Variants in DCC observed in about 807,000 individuals in gnomAD.
The protein encoded by DCC is netrin receptor DCC.
In DCC, 58 loss-of-function variants were observed where a neutral mutation model predicts 172.5. That is an observed-to-expected ratio of 0.34 (90% CI 0.27 to 0.42). DCC has a LOEUF of 0.42. Among genes scored for constraint, DCC ranks in the 10% least tolerant of loss-of-function variants. The pLI is 1.00. For missense variants in DCC, 1,740 were observed against 1,791.0 expected, an observed-to-expected ratio of 0.97 and a Z score of 0.51; for synonymous variants, 709 against 644.5, an observed-to-expected ratio of 1.10 and a Z score of -1.52.
chr18:52,340,582 A>AT lies in DCC; in HGVS notation c.-204dup. 1 of 639,464 alleles carries AT rather than the reference A, an allele frequency of 1.6e-6. No homozygotes were observed. 39.6% of individuals were successfully genotyped at this position (639,464 alleles called of 1,614,324 possible). A position where few individuals can be genotyped will look rare whatever the true frequency, so the allele number is the denominator to read the frequency against. ...TTTTTGCTGCCTGCTTTTGCTGCTG[A>AT]TTCTGTCAGTGGACAAGGAAAAAGG... On this transcript the variant is annotated 5_prime_UTR_variant, in exon 1 of 29. Transcript: ENST00000442544.
At chr18:52,943,022 C>A (rs1247645584) in intron 5 of DCC, among the ~76,000 whole-genome samples, 1 of 152,162 alleles carries the variant, frequency 6.6e-6, no homozygotes, top group Non-Finnish European at 1.5e-5. Flanking sequence ...ACAGAGTATG[C>A]ATTCAAATTA....
At chr18:52,378,416 C>A (rs1985444910) in intron 1 of DCC, among the ~76,000 whole-genome samples, 1 of 152,098 alleles carries the variant, frequency 6.6e-6, no homozygotes, top group African/African-American at 2.4e-5. Flanking sequence ...TGTTTAGCAC[C>A]TTCTCTACAT....
chr18:53,022,838 G>GA (rs1292129342), intron 5 of DCC, among the ~76,000 whole-genome samples: 4 of 151,148 alleles, frequency 2.6e-5, no homozygotes, highest in Non-Finnish European at 4.4e-5. Flanking sequence ...TCCTGAAAAT[G>GA]AAAAAAAATC....
intron 1 of DCC, among the ~76,000 whole-genome samples, chr18:52,728,856 T>C (rs2036592815): frequency 6.6e-6 from 1 of 152,148 alleles, no homozygotes; most frequent in African/African-American, 2.4e-5. Context: ...AAACAAGGAT[T>C]CGACAGCTGT....
At chr18:52,391,070 T>G (rs192509629) in intron 1 of DCC, among the ~76,000 whole-genome samples, 1 of 152,226 alleles carries the variant, frequency 6.6e-6, no homozygotes, top group Non-Finnish European at 1.5e-5. Flanking sequence ...GCTTCTACAT[T>G]CATGTATGCT....
intron 22 of DCC, among the ~76,000 whole-genome samples, chr18:53,446,262 A>G (rs555684275): frequency 6.6e-6 from 1 of 152,224 alleles, no homozygotes; most frequent in East Asian, 1.9e-4. Context: ...CTCCAGCAGT[A>G]GTCACAGAGT....
At chr18:53,498,092 T>C (rs142451183) in intron 26 of DCC, among the ~76,000 whole-genome samples, 1 of 152,332 alleles carries the variant, frequency 6.6e-6, no homozygotes, top group Non-Finnish European at 1.5e-5. Context: ...CTTCTGAATA[T>C]AGAAGAATGA....
chr18:53,125,446 T>G (rs1004546039), intron 7 of DCC, among the ~76,000 whole-genome samples: 1 of 152,080 alleles, frequency 6.6e-6, no homozygotes, highest in African/African-American at 2.4e-5. Flanking sequence ...TCTTGCATGG[T>G]GCTCTCTCAC....
chr18:53,518,829 A>G lies in DCC; in HGVS notation c.4112-7788A>G, dbSNP rs184378482. Among the ~76,000 whole-genome samples the G allele has an allele frequency of 1.2e-4, 18 of 152,268 alleles. No individual in the cohort carries two copies. The South Asian group carries it at 2.7e-3, about 23-fold the overall frequency. ...TCAGATTGAGCATTCGTAAATTTAA[A>G]TTTGTCAATTAGCCATGGATCATTT... is the stretch of plus-strand genomic sequence containing the variant. On this transcript the variant is annotated intron_variant, in intron 27 of 28. Transcript: ENST00000442544.
intron 5 of DCC, among the ~76,000 whole-genome samples, chr18:52,976,075 ATTG>A (rs2041112504): frequency 2.6e-5 from 4 of 151,966 alleles, no homozygotes; most frequent in Admixed American, 2.0e-4. Context: ...ATGGTATATC[ATTG>A]TTGTTTTGAT....
intron 7 of DCC, among the ~76,000 whole-genome samples, chr18:53,146,146 G>A (rs140471620): frequency 1.3e-5 from 2 of 152,060 alleles, no homozygotes; most frequent in East Asian, 3.9e-4. Flanking sequence ...TCTTGAACCT[G>A]GGAGGCAGAG....
chr18:53,523,336 C>G (rs1245115851), intron 27 of DCC, among the ~76,000 whole-genome samples: 1 of 152,124 alleles, frequency 6.6e-6, no homozygotes, highest in African/African-American at 2.4e-5. Context: ...TTAGTTCAGC[C>G]ATTGTGGAAG....
At chr18:53,145,697 T>C (rs759146597) in intron 7 of DCC, among the ~76,000 whole-genome samples, 1 of 152,114 alleles carries the variant, frequency 6.6e-6, no homozygotes, top group African/African-American at 2.4e-5. Context: ...GAATCTGTCA[T>C]TGAGTTCCAA....
rs5825007 is a variant in DCC at position 53,309,962 on chromosome 18, G to GTATATATATATATATATA, written c.2053+4244_2053+4245insATATATATATATATATAT. 7.7e-4 allele frequency among the ~76,000 whole-genome samples: 103 copies of GTATATATATATATATATA among 133,276 alleles called. 3 individuals carry two copies. The highest frequency in any genetic ancestry group is 7.5e-3 in the East Asian group (33 of 4,392). 87.4% of individuals were successfully genotyped at this position (133,276 alleles called of 152,430 possible). ...TATATATACATGTATATATACGTGT[G>GTATATATATATATATATA]TGTATATATATATATATATACTCTT... On this transcript the variant is annotated intron_variant, in intron 13 of 28. Coordinates refer to ENST00000442544, the MANE Select transcript of DCC (RefSeq NM_005215.4).
At chr18:53,003,996 C>A (rs1471998027) in intron 5 of DCC, among the ~76,000 whole-genome samples, 2 of 152,156 alleles carry the variant, frequency 1.3e-5, no homozygotes, top group Non-Finnish European at 2.9e-5. Context: ...TTTCACTCAG[C>A]TATTCACCAC....
intron 1 of DCC, among the ~76,000 whole-genome samples, chr18:52,481,345 C>G (rs1177440022): frequency 6.7e-6 from 1 of 150,152 alleles, no homozygotes; most frequent in Non-Finnish European, 1.5e-5. Context: ...CTGTCACCTG[C>G]AATCCTGGGA....
At chr18:52,389,627 T>C (rs1985950871) in intron 1 of DCC, among the ~76,000 whole-genome samples, 1 of 151,012 alleles carries the variant, frequency 6.6e-6, no homozygotes, top group Non-Finnish European at 1.5e-5. Context: ...AGGAGAAAAC[T>C]GATGGCACTT....
At chr18:52,427,815 T>TCTTCCTTACTTCCTTCCTTTCTTCCTTC (rs1987481106) in intron 1 of DCC, among the ~76,000 whole-genome samples, 1 of 113,058 alleles carries the variant, frequency 8.8e-6, no homozygotes, top group African/African-American at 4.1e-5. Context: ...TTTCTTCCTT[T>TCTTCCTTACTTCCTTCCTTTCTTCCTTC]CTTCCTTCCT....
At chr18:53,193,092 T>G (rs2055390697) in intron 9 of DCC, among the ~76,000 whole-genome samples, 1 of 152,218 alleles carries the variant, frequency 6.6e-6, no homozygotes, top group Non-Finnish European at 1.5e-5. Flanking sequence ...TATGGAATAT[T>G]CTACCAATTG....
Sources: gnomAD v4.1 joint callset for allele counts (sites outside exome capture counted in the v4.1 genomes callset) on GRCh38, gnomAD v4.1.1 for gene constraint, MANE v1.5 for transcripts, NCBI Gene and HGNC (gene_info 2026-07-23, HGNC 2026-07-21) for gene names.